The following PPM1F variants were observed in gnomAD, a reference collection of about 807,000 sequenced individuals.
PPM1F encodes the protein protein phosphatase 1F.
A neutral mutation model predicts 35.5 loss-of-function variants in PPM1F; 17 were observed. That is an observed-to-expected ratio of 0.48 (90% CI 0.33 to 0.72). PPM1F has a LOEUF of 0.72. Ranked by LOEUF, PPM1F falls within the 30% of genes least tolerant of loss-of-function variation. The pLI, the probability that PPM1F is intolerant of heterozygous loss-of-function variation, is 0.02. For synonymous variants in PPM1F, 241 were observed against 255.5 expected, an observed-to-expected ratio of 0.94 and a Z score of 0.54; for missense variants, 521 against 613.0, an observed-to-expected ratio of 0.85 and a Z score of 1.59.
intron 6 of PPM1F, among the ~76,000 whole-genome samples, chr22:21,929,080 G>A (rs1290168238): frequency 6.6e-6 from 1 of 152,214 alleles, no homozygotes; most frequent in Non-Finnish European, 1.5e-5. Context: ...CTGGGCCGCT[G>A]CTGGACCCCC....
intron 6 of PPM1F, among the ~76,000 whole-genome samples, chr22:21,927,962 T>C (rs1190914010): frequency 1.6e-5 from 2 of 122,142 alleles, no homozygotes; most frequent in African/African-American, 6.1e-5. Context: ...TTTTTTTTTT[T>C]TTTTTTTTGG....
chr22:21,930,254 C>G (rs1314731492), intron 6 of PPM1F, among the ~76,000 whole-genome samples: 1 of 152,206 alleles, frequency 6.6e-6, no homozygotes. Flanking sequence ...AATGTAGTGC[C>G]AGCCCAGGCT....
At chr22:21,934,369 G>A (rs1024209368) in intron 3 of PPM1F, 143 bp from the exon 4 acceptor site, 12 of 636,782 alleles carry the variant, frequency 1.9e-5, no homozygotes, top group East Asian at 5.8e-5. Flanking sequence ...TCAATAACGC[G>A]CACATGGCAG....
At chr22:21,938,885 T>TG (rs1200827391) in intron 3 of PPM1F, 9 of 154,178 alleles carry the variant, frequency 5.8e-5, no homozygotes, top group Admixed American at 5.8e-4. Flanking sequence ...CTCTGTGAAA[T>TG]GGATCTGCAG....
intron 6 of PPM1F, 58 bp downstream of exon 6, chr22:21,931,089 TG>T (rs1385958024): frequency 1.3e-6 from 2 of 1,598,074 alleles, no homozygotes; most frequent in Admixed American, 3.4e-5. Flanking sequence ...GGTTCCCCTA[TG>T]GGCCCAGCAT....
intron 2 of PPM1F, chr22:21,941,455 T>A (rs1436707952): frequency 4.6e-5 from 7 of 152,228 alleles, no homozygotes; most frequent in Admixed American, 4.6e-4. Flanking sequence ...CGTGGTACAG[T>A]TAATTACCCT....
In PPM1F at chr22:21,939,445, C is replaced by A; in HGVS notation, c.355+87G>T. The A allele has an allele frequency of 6.5e-7, 1 of 1,548,298 alleles. No individual in the cohort carries two copies. ...GCGAGGGCCCCAGCACCCTTAGGGA[C>A]CCCAATCAATGGGCTTCCCACAATG... On this transcript the variant is annotated intron_variant, in intron 3 of 7. Transcript: ENST00000263212. The surrounding 1 kb of genome is among the most constrained non-coding windows in gnomAD (Gnocchi z 5.1).
intron 3 of PPM1F, chr22:21,937,088 C>G (rs1452022309): frequency 1.3e-5 from 2 of 152,254 alleles, no homozygotes; most frequent in Non-Finnish European, 2.9e-5. Flanking sequence ...CTCCTGCCAG[C>G]CCAGGTGCAT....
chr22:21,925,184 C>T (rs760768153), intron 7 of PPM1F: 34 of 341,050 alleles, frequency 1.0e-4, no homozygotes, highest in Admixed American at 1.4e-4. Flanking sequence ...CGTGAGCCAC[C>T]GCGCCCAGCG....
intron 4 of PPM1F, 87 bp downstream of exon 4, chr22:21,933,937 T>C (rs94194): frequency 0.48 from 616,456 of 1,282,426 alleles, 151,222 homozygotes; most frequent in African/African-American, 0.67. Context: ...TCAGCCTTGG[T>C]GGGCAGCTCT....
rs1290933753 is a variant in PPM1F, at chr22:21,934,343, T to C, written c.356-117A>G. The C allele has an allele frequency of 1.0e-5, 8 of 780,436 alleles. No individual in the cohort carries two copies. In the Admixed American group the frequency reaches 1.1e-4, roughly 11 times the overall value. The allele number at this position is 780,436 out of a possible 1,614,324, so 48.3% of individuals were successfully genotyped here. ...AAAGCCCCCATCACCTCCCGGGGCATTGTGAGCACATCAACTCAATAACGC... is the reference window on the plus strand; with the variant it reads ...AAAGCCCCCATCACCTCCCGGGGCACTGTGAGCACATCAACTCAATAACGC... On this transcript the variant is annotated intron_variant, in intron 3 of 7. Coordinates refer to ENST00000263212, the MANE Select transcript of PPM1F (RefSeq NM_014634.4).
In PPM1F at chr22:21,933,473, T is replaced by G; in HGVS notation, c.665A>C (p.Glu222Ala). ...HVHTNAARQP[E>A]LPTDPEGALR... The stretch of plus-strand genomic sequence containing the variant: ...GGCTCCCTCAGGGTCTGTGGGCAGC[T>G]CTGGCTGGCGGGCAGCGTTGGTGTG... Residue 222 changes from glutamate to alanine, a missense_variant, in exon 5 of 8, where the codon GAG (glutamate) becomes GCG (alanine). Physicochemically the swap from Glu to Ala is moderately radical, Grantham distance 107 (BLOSUM62 -1). Transcript: ENST00000263212. The G allele has an allele frequency of 6.2e-7, 1 of 1,613,670 alleles. No individual in the cohort carries two copies. The highest frequency in any genetic ancestry group is 8.5e-7 in the Non-Finnish European group (1 of 1,180,004).
At chr22:21,950,505 CTTG>C (rs751720477) in intron 1 of PPM1F, 5 of 151,956 alleles carry the variant, frequency 3.3e-5, no homozygotes, top group Admixed American at 2.0e-4. Flanking sequence ...AGAAAAAATA[CTTG>C]TTGAGTCTTG....
intron 1 of PPM1F, chr22:21,950,250 T>G (rs2145810991): frequency 6.6e-6 from 1 of 152,296 alleles, no homozygotes; most frequent in East Asian, 1.9e-4. Flanking sequence ...CTCCTTGTTT[T>G]GTGGTGCCCT....
At chr22:21,926,451 C>T (rs1052555200) in intron 6 of PPM1F, among the ~76,000 whole-genome samples, 2 of 152,080 alleles carry the variant, frequency 1.3e-5, no homozygotes, top group African/African-American at 2.4e-5. Context: ...TCCTCCTCTA[C>T]CCAAGCTCAG....
intron 3 of PPM1F, chr22:21,938,248 A>C (rs1163609329): frequency 1.5e-6 from 2 of 1,300,146 alleles, no homozygotes; most frequent in South Asian, 1.2e-5. Flanking sequence ...GAGACCCATC[A>C]GGCGGGGAGG....
Position 21,931,136 on chromosome 22 carries a change from G to A in PPM1F, c.891+12C>T. On this transcript the variant is annotated intron_variant, in intron 6 of 7. Coordinates refer to ENST00000263212, the MANE Select transcript of PPM1F (RefSeq NM_014634.4). The stretch of plus-strand genomic sequence containing the variant: ...AGGAATATCCTGGGCCTGGGCGCAG[G>A]GATCCCCTTACCTGCCGTTCTGGTC... 6.2e-7 allele frequency: 1 copy of A among 1,613,840 alleles called. No individual in the cohort carries two copies. The highest frequency in any genetic ancestry group is 8.5e-7 in the Non-Finnish European group (1 of 1,179,842).
intron 4 of PPM1F, 63 bp downstream of exon 4, chr22:21,933,961 G>A: frequency 4.7e-6 from 7 of 1,474,336 alleles, no homozygotes; most frequent in Non-Finnish European, 6.4e-6. Context: ...CGGTACCTGG[G>A]GGGCCCCCAC....
intron 7 of PPM1F, among the ~76,000 whole-genome samples, chr22:21,923,875 A>C (rs2070478980): frequency 6.8e-6 from 1 of 147,556 alleles, no homozygotes; most frequent in African/African-American, 2.5e-5. Flanking sequence ...ATTTTAGTAG[A>C]GATGGGGTTT....
Sources: allele counts gnomAD v4.1 joint callset (sites outside exome capture counted in the v4.1 genomes callset), GRCh38; gene constraint gnomAD v4.1.1; non-coding constraint Gnocchi (gnomAD v3.1); transcripts MANE v1.5; gene names NCBI Gene and HGNC (gene_info 2026-07-23, HGNC 2026-07-21).